Variants in SGK1 observed in about 807,000 individuals in gnomAD.
The protein encoded by SGK1 is serum/glucocorticoid regulated kinase 1, also known as serine/threonine-protein kinase Sgk1.
In SGK1, 26 loss-of-function variants were observed where a neutral mutation model predicts 64.2. The observed-to-expected ratio is 0.40, with a 90% CI of 0.30 to 0.56. The LOEUF (loss-of-function observed/expected upper bound fraction) is 0.56. SGK1 is among the 20% of genes least tolerant of loss of function. SGK1 has a pLI of 0.38. For missense variants in SGK1, 519 were observed against 645.6 expected (o/e 0.80, Z 2.12); for synonymous variants, 265 against 239.7 (o/e 1.11, Z -0.98).
intron 2 of SGK1, among the ~76,000 whole-genome samples, chr6:134,208,896 G>GTGTATATATATA (rs140253811): frequency 6.8e-6 from 1 of 147,368 alleles, no homozygotes; most frequent in Non-Finnish European, 1.5e-5. Context: ...GTATGTGTGT[G>GTGTATATATATA]TATATATATA....
chr6:134,174,981 C>T (rs1250866101), intron 3 of SGK1: 2 of 1,278,416 alleles, frequency 1.6e-6, no homozygotes, highest in Admixed American at 2.9e-5. Flanking sequence ...CCGGCCGCCT[C>T]GCGGTTTGCT....
At chr6:134,233,551 C>T (rs142265973) in intron 2 of SGK1, among the ~76,000 whole-genome samples, 1 of 152,300 alleles carries the variant, frequency 6.6e-6, no homozygotes, top group East Asian at 1.9e-4. Context: ...ATATGCCAGA[C>T]ACGGTTATCT....
intron 1 of SGK1, among the ~76,000 whole-genome samples, chr6:134,267,211 CTTTT>C (rs926169769): frequency 2.2e-4 from 33 of 151,360 alleles, no homozygotes; most frequent in Non-Finnish European, 3.4e-4. Context: ...ATTTTTATTT[CTTTT>C]TGTTTTTTAT....
intron 2 of SGK1, among the ~76,000 whole-genome samples, chr6:134,249,695 C>A (rs1056559027): frequency 3.3e-5 from 5 of 152,150 alleles, no homozygotes; most frequent in African/African-American, 1.2e-4. Flanking sequence ...CAATAAACAC[C>A]AGCTGAGAGA....
intron 1 of SGK1, among the ~76,000 whole-genome samples, chr6:134,277,482 G>T (rs1031344069): frequency 6.6e-6 from 1 of 152,174 alleles, no homozygotes; most frequent in Non-Finnish European, 1.5e-5. Context: ...AGCACGAAAT[G>T]ACCAGGGTCC....
At position 134,170,416 on chromosome 6, in the gene SGK1, C is replaced by T. The variant is rs146264488; in HGVS notation, c.1433G>A (p.Arg478Gln). 650 of 1,613,066 alleles carry T rather than the reference C, an allele frequency of 4.0e-4. 4 individuals are homozygous for T. The African/African-American group carries it at 7.5e-3, about 19-fold the overall frequency. Reference protein sequence around the residue: ...NPNVSGPNDLRHFDPEFTEEP... With the variant: ...NPNVSGPNDLQHFDPEFTEEP... ...TTCGGTAAACTCGGGGTCAAAGTGC[C>T]GTAGGTCGTTGGGCCCACTCTGTGA... The change falls in exon 14 of 14, where the codon CGG becomes CAG. Residue 478 changes from arginine to glutamine, a missense_variant. Around this residue, in one of 2 missense-constraint regions of SGK1, gnomAD observed 278 missense variants for 408.7 expected, o/e 0.68. Transcript: ENST00000367858.
At chr6:134,203,226 G>T (rs1195014812) in intron 3 of SGK1, among the ~76,000 whole-genome samples, 2 of 152,152 alleles carry the variant, frequency 1.3e-5, no homozygotes, top group African/African-American at 4.8e-5. Context: ...CTGGGCAACA[G>T]AGTGAGACTC....
intron 3 of SGK1, chr6:134,175,675 C>T (rs574941739): frequency 1.4e-6 from 2 of 1,480,670 alleles, no homozygotes; most frequent in South Asian, 2.5e-5. Context: ...CAGCGGGCGG[C>T]GGGGCGCGCG....
intron 3 of SGK1, among the ~76,000 whole-genome samples, chr6:134,196,578 C>T (rs1775597570): frequency 6.6e-6 from 1 of 152,216 alleles, no homozygotes; most frequent in Non-Finnish European, 1.5e-5. Context: ...GAATTCACGA[C>T]ACAACCACAA....
chr6:134,300,782 G>A (rs189223269), intron 1 of SGK1, among the ~76,000 whole-genome samples: 47 of 151,250 alleles, frequency 3.1e-4, no homozygotes, highest in African/African-American at 8.2e-4. Flanking sequence ...ACAGGCATGC[G>A]CCACCACACC....
At chr6:134,214,579 CAA>C (rs10580443) in intron 2 of SGK1, among the ~76,000 whole-genome samples, 89,034 of 146,328 alleles carry the variant, frequency 0.61, 29,222 homozygotes, top group South Asian at 0.83. Context: ...TACGCTGTCT[CAA>C]AAAAAAAAAA....
intron 1 of SGK1, chr6:134,297,581 C>T: frequency 2.0e-6 from 1 of 488,988 alleles, no homozygotes; most frequent in South Asian, 1.6e-5. Flanking sequence ...CGGCTCACTG[C>T]AAGCTCCGCC....
chr6:134,311,925 G>C (rs1423541904), intron 1 of SGK1, among the ~76,000 whole-genome samples: 3 of 152,184 alleles, frequency 2.0e-5, no homozygotes, highest in African/African-American at 7.2e-5. Context: ...GCTCTCAGTA[G>C]TGACTTGGAG....
rs147777207 is a variant in SGK1 at position 134,281,198 on chromosome 6, G to A, written c.70-19050C>T. Among the ~76,000 whole-genome samples the A allele has an allele frequency of 6.0e-3, 908 of 152,126 alleles. 12 individuals carry two copies. The highest frequency in any genetic ancestry group is 0.02 in the African/African-American group (836 of 41,500). ...TTCCAACTTTCTTATCCACCTACCC[G>A]TTCATAGCTTAGTTTTTGGTCATTT... On this transcript the variant is annotated intron_variant, in intron 1 of 13. Transcript: ENST00000367858.
rs182705469 is a variant in SGK1, at chr6:134,175,855, C to T, written c.362-1269G>A. The stretch of plus-strand genomic sequence containing the variant: ...TGCTTTTGGCCAAAACCAAGCAAGG[C>T]TGAAAAATCCCAGAACTTGGAAGAG... On this transcript the variant is annotated intron_variant, in intron 3 of 13. Transcript: ENST00000367858. 8.1e-3 allele frequency: 9,842 copies of T among 1,217,002 alleles called. 50 individuals are homozygous for T. Among genetic ancestry groups the T allele is most frequent in the Non-Finnish European group, 9.4e-3 (9,237 of 977,790 alleles). The allele number at this position is 1,217,002 out of a possible 1,614,324, so 75.4% of individuals were successfully genotyped here.
chr6:134,285,094 T>A (rs565252504), intron 1 of SGK1, among the ~76,000 whole-genome samples: 1 of 152,272 alleles, frequency 6.6e-6, no homozygotes, highest in South Asian at 2.1e-4. Flanking sequence ...CTACTTATAG[T>A]TCTTTAAGGA....
At chr6:134,221,112 T>C (rs1776085106) in intron 2 of SGK1, among the ~76,000 whole-genome samples, 2 of 152,048 alleles carry the variant, frequency 1.3e-5, no homozygotes, top group Non-Finnish European at 1.5e-5. Flanking sequence ...GAAACCAGCC[T>C]GGCCAACATG....
At chr6:134,191,015 T>G (rs182535269) in intron 3 of SGK1, among the ~76,000 whole-genome samples, 50 of 152,294 alleles carry the variant, frequency 3.3e-4, no homozygotes, top group Non-Finnish European at 1.5e-5. Context: ...TCTGATTATT[T>G]GTCTCACAAA....
At chr6:134,279,124 C>T (rs998946272) in intron 1 of SGK1, among the ~76,000 whole-genome samples, 2 of 152,162 alleles carry the variant, frequency 1.3e-5, no homozygotes, top group African/African-American at 2.4e-5. Flanking sequence ...AGGAAGATCA[C>T]TTAAACTCAG....
Sources: allele counts gnomAD v4.1 joint callset (sites outside exome capture counted in the v4.1 genomes callset), GRCh38; gene constraint gnomAD v4.1.1; regional missense constraint gnomAD v4.1.1; transcripts MANE v1.5; gene names NCBI Gene and HGNC (gene_info 2026-07-23, HGNC 2026-07-21).